STAG1: variants seen among roughly 807,000 people sequenced by gnomAD.
The protein encoded by STAG1 is STAG1 cohesin complex component.
STAG1 carries 26 observed loss-of-function variants against 170.9 expected under a neutral mutation model. That is an observed-to-expected ratio of 0.15 (90% CI 0.11 to 0.21). The LOEUF (loss-of-function observed/expected upper bound fraction) is 0.21, where lower values mean the gene tolerates loss of function less well. Among genes scored for constraint, STAG1 ranks in the 10% least tolerant of loss-of-function variants. STAG1 has a pLI of 1.00. For missense variants in STAG1, 964 were observed against 1,509.5 expected (o/e 0.64, Z 5.99); for synonymous variants, 514 against 497.7 (o/e 1.03, Z -0.44).
chr3:136,535,045 A>G (rs1192513341), intron 6 of STAG1, among the ~76,000 whole-genome samples: 2 of 152,234 alleles, frequency 1.3e-5, no homozygotes, highest in East Asian at 3.8e-4. Flanking sequence ...GCATATACAT[A>G]TAACAGGATA....
At chr3:136,589,931 AAAAAAT>A (rs1339037206) in intron 4 of STAG1, among the ~76,000 whole-genome samples, 12 of 152,038 alleles carry the variant, frequency 7.9e-5, no homozygotes, top group African/African-American at 1.4e-4. Context: ...ATTCCATCTC[AAAAAAT>A]AAAAATAAAA....
chr3:136,570,924 G>A (rs1937248144), intron 4 of STAG1, among the ~76,000 whole-genome samples: 1 of 152,160 alleles, frequency 6.6e-6, no homozygotes, highest in Non-Finnish European at 1.5e-5. Flanking sequence ...TGGTAAGAGA[G>A]GGTCAAGAAG....
chr3:136,596,441 C>T (rs1938432735), intron 4 of STAG1, among the ~76,000 whole-genome samples: 2 of 151,900 alleles, frequency 1.3e-5, no homozygotes, highest in Admixed American at 1.3e-4. Flanking sequence ...AATAATATTG[C>T]ACACACAATA....
At chr3:136,359,120 T>C in intron 27 of STAG1, 28 bp downstream of exon 27, 1 of 1,564,702 alleles carries the variant, frequency 6.4e-7, no homozygotes, top group Non-Finnish European at 8.7e-7. Context: ...AATCAGATTC[T>C]GCATAACAAA....
intron 21 of STAG1, among the ~76,000 whole-genome samples, chr3:136,409,695 C>T (rs1377273139): frequency 6.6e-6 from 1 of 152,086 alleles, no homozygotes; most frequent in Non-Finnish European, 1.5e-5. Context: ...AGAATGTGTT[C>T]ATGTCTAGTT....
chr3:136,433,672 A>G lies in STAG1; in HGVS notation c.1547-13T>C, dbSNP rs980795427. On this transcript the variant is annotated splice_polypyrimidine_tract_variant and intron_variant, in intron 15 of 33. Transcript: ENST00000383202. ...CGATCAGACATTGCTAAGGTAAAACAAAATACATGAGCATGAGTAGACAGT... is the reference window on the plus strand; with the variant it reads ...CGATCAGACATTGCTAAGGTAAAACGAAATACATGAGCATGAGTAGACAGT... 9 of 1,559,844 alleles carry G rather than the reference A, an allele frequency of 5.8e-6. No homozygotes were observed. In the African/African-American group the frequency reaches 1.2e-4, roughly 21 times the overall value.
At position 136,370,604 on chromosome 3, in the gene STAG1, C is replaced by T. The variant is rs1302294303; in HGVS notation, c.2371-1322G>A. Among the ~76,000 whole-genome samples the T allele has an allele frequency of 6.6e-5, 10 of 152,090 alleles. No individual in the cohort carries two copies. In the South Asian group the frequency reaches 1.0e-3, roughly 16 times the overall value. On this transcript the variant is annotated intron_variant, in intron 23 of 33. Transcript: ENST00000383202. The stretch of plus-strand genomic sequence containing the variant: ...CAATTCCCACCTATGAGTGAGAACA[C>T]GCAGTGTTTGGTTTTTTGTCCTTGT...
At chr3:136,370,364 T>C (rs1560064881) in intron 23 of STAG1, among the ~76,000 whole-genome samples, 1 of 152,066 alleles carries the variant, frequency 6.6e-6, no homozygotes, top group Non-Finnish European at 1.5e-5. Context: ...ATTTTATTAT[T>C]ATATTATTAT....
chr3:136,463,714 T>C (rs1174398278), intron 13 of STAG1, among the ~76,000 whole-genome samples: 1 of 126,144 alleles, frequency 7.9e-6, no homozygotes, highest in Non-Finnish European at 1.7e-5. Flanking sequence ...CCCATCTCTC[T>C]AAAAAAAAAA....
chr3:136,390,775 C>T (rs765896373), intron 22 of STAG1, among the ~76,000 whole-genome samples: 13 of 152,158 alleles, frequency 8.5e-5, no homozygotes, highest in East Asian at 1.9e-4. Flanking sequence ...ACAGGAATTC[C>T]GGGCCAGGAC....
intron 31 of STAG1, 70 bp downstream of exon 31, chr3:136,341,371 C>G: frequency 9.6e-7 from 1 of 1,039,408 alleles, no homozygotes; most frequent in South Asian, 1.4e-5. Context: ...CAAAGAAACC[C>G]AAGTCATTTC....
intron 15 of STAG1, among the ~76,000 whole-genome samples, chr3:136,438,353 G>T (rs1186275372): frequency 6.7e-6 from 1 of 148,992 alleles, no homozygotes; most frequent in Non-Finnish European, 1.5e-5. Context: ...CTCCCGAGTA[G>T]CTGGGATGAC....
In STAG1 at chr3:136,343,917, C is replaced by T; in HGVS notation, c.3361G>A (p.Val1121Ile). Residue 1121 changes from valine (V) to isoleucine (I), a missense_variant, in exon 30 of 34, where the codon GTA becomes ATA. This residue lies in a region of STAG1 where 122 missense variants were observed against 129.0 expected (regional missense o/e 0.95). Transcript: ENST00000383202. Reference sequence around the variant, plus strand: ...ATGGGCCGACTGTTCTCCCGCAGTACAGTGGATGTGAGTTGTGGTGCTGGC... The same window carrying T: ...ATGGGCCGACTGTTCTCCCGCAGTATAGTGGATGTGAGTTGTGGTGCTGGC... ...PLPAPQLTST[V>I]LRENSRPMGD... The T allele has an allele frequency of 2.5e-6, 4 of 1,611,774 alleles. No homozygotes were observed. The highest frequency in any genetic ancestry group is 3.4e-6 in the Non-Finnish European group (4 of 1,178,980).
intron 5 of STAG1, among the ~76,000 whole-genome samples, chr3:136,559,065 C>A (rs912008090): frequency 6.6e-6 from 1 of 152,040 alleles, no homozygotes; most frequent in African/African-American, 2.4e-5. Flanking sequence ...TATATTCAGT[C>A]TTTTGTATAT....
intron 1 of STAG1, among the ~76,000 whole-genome samples, chr3:136,664,511 C>A (rs1246549316): frequency 1.3e-5 from 2 of 152,120 alleles, no homozygotes; most frequent in Non-Finnish European, 2.9e-5. Context: ...CAACCATATA[C>A]CTTAGAGCAC....
intron 4 of STAG1, chr3:136,586,825 C>T (rs750488556): frequency 2.2e-6 from 1 of 456,598 alleles, no homozygotes; most frequent in Non-Finnish European, 4.4e-6. Context: ...AAGTTCCCAT[C>T]AATGGAATGT....
intron 1 of STAG1, among the ~76,000 whole-genome samples, chr3:136,641,009 A>T (rs1193476506): frequency 6.6e-6 from 1 of 152,196 alleles, no homozygotes; most frequent in Non-Finnish European, 1.5e-5. Context: ...AATCTGAAAG[A>T]TCTTCCACAT....
intron 1 of STAG1, among the ~76,000 whole-genome samples, chr3:136,691,231 C>A (rs1430714540): frequency 2.6e-5 from 4 of 151,802 alleles, no homozygotes; most frequent in South Asian, 2.1e-4. Flanking sequence ...GTCAGGAGAT[C>A]GAGACCATCC....
chr3:136,711,994 C>T (rs1395631353), intron 1 of STAG1, among the ~76,000 whole-genome samples: 1 of 152,104 alleles, frequency 6.6e-6, no homozygotes, highest in Non-Finnish European at 1.5e-5. Context: ...AAAAACCTGA[C>T]GTATGTACCT....
Sources: allele counts gnomAD v4.1 joint callset (sites outside exome capture counted in the v4.1 genomes callset), GRCh38; gene constraint gnomAD v4.1.1; regional missense constraint gnomAD v4.1.1; transcripts MANE v1.5; gene names NCBI Gene and HGNC (gene_info 2026-07-23, HGNC 2026-07-21).